The following CACNA2D3 variants were observed in gnomAD, a reference collection of about 807,000 sequenced individuals.
CACNA2D3 encodes voltage-dependent calcium channel subunit alpha-2/delta-3.
A neutral mutation model predicts 160.6 loss-of-function variants in CACNA2D3; 60 were observed. That is an observed-to-expected ratio of 0.37 (90% CI 0.30 to 0.46). The LOEUF is 0.46. CACNA2D3 is among the 20% of genes least tolerant of loss of function. The pLI is 1.00. For synonymous variants in CACNA2D3, 558 were observed against 492.9 expected, an observed-to-expected ratio of 1.13 and a Z score of -1.75; for missense variants, 1,205 against 1,365.0, an observed-to-expected ratio of 0.88 and a Z score of 1.85.
intron 13 of CACNA2D3, among the ~76,000 whole-genome samples, chr3:54,799,717 T>G (rs1239205499): frequency 6.6e-6 from 1 of 152,216 alleles, no homozygotes; most frequent in Non-Finnish European, 1.5e-5. Context: ...GGTGAGGTTT[T>G]CCTTGGAGGA....
At chr3:54,583,187 C>T in intron 9 of CACNA2D3, among the ~76,000 whole-genome samples, 1 of 152,132 alleles carries the variant, frequency 6.6e-6, no homozygotes, top group East Asian at 1.9e-4. Context: ...AATAGGTGTT[C>T]CATCCTGGTG....
chr3:54,593,066 G>A (rs764450295), intron 9 of CACNA2D3, among the ~76,000 whole-genome samples: 4 of 152,144 alleles, frequency 2.6e-5, no homozygotes, highest in Non-Finnish European at 5.9e-5. Context: ...CTAGGGAGAC[G>A]AAGTTTGCAG....
chr3:54,523,355 C>A (rs981580171), intron 5 of CACNA2D3, among the ~76,000 whole-genome samples: 1 of 151,826 alleles, frequency 6.6e-6, no homozygotes, highest in Admixed American at 6.6e-5. Context: ...TAATTGATTT[C>A]CAGATGTTAA....
chr3:54,471,316 A>G (rs969737377), intron 4 of CACNA2D3, among the ~76,000 whole-genome samples: 1 of 152,236 alleles, frequency 6.6e-6, no homozygotes, highest in Non-Finnish European at 1.5e-5. Flanking sequence ...GTAAATAACG[A>G]AATCAAGGCA....
chr3:54,892,071 C>T (rs1452724207), intron 25 of CACNA2D3, among the ~76,000 whole-genome samples: 1 of 152,138 alleles, frequency 6.6e-6, no homozygotes, highest in Non-Finnish European at 1.5e-5. Context: ...CAGAGAACCA[C>T]GGGCCCTTAA....
At chr3:54,183,101 G>T (rs1361831660) in intron 2 of CACNA2D3, among the ~76,000 whole-genome samples, 1 of 151,694 alleles carries the variant, frequency 6.6e-6, no homozygotes, top group Non-Finnish European at 1.5e-5. Context: ...TATTTTTCAT[G>T]TTGTGAAATG....
At chr3:54,340,805 C>T (rs1438995550) in intron 3 of CACNA2D3, among the ~76,000 whole-genome samples, 1 of 152,182 alleles carries the variant, frequency 6.6e-6, no homozygotes, top group African/African-American at 2.4e-5. Flanking sequence ...CCTTCTTGAT[C>T]CCCAGTCCAC....
intron 4 of CACNA2D3, among the ~76,000 whole-genome samples, chr3:54,390,644 G>T (rs1019035018): frequency 3.3e-5 from 5 of 152,184 alleles, no homozygotes; most frequent in Non-Finnish European, 5.9e-5. Context: ...GTGAAAGAGA[G>T]GCCTTTGATA....
intron 20 of CACNA2D3, 126 bp from the exon 21 acceptor site, chr3:54,880,670 G>T: frequency 2.3e-6 from 2 of 857,704 alleles, no homozygotes; most frequent in Non-Finnish European, 3.9e-6. Context: ...AAAGTAAACA[G>T]TTGGAAAAAT....
At chr3:55,021,193 G>A (rs2107162030) in intron 35 of CACNA2D3, among the ~76,000 whole-genome samples, 1 of 152,172 alleles carries the variant, frequency 6.6e-6, no homozygotes, top group East Asian at 1.9e-4. Context: ...TTTGTGGTTA[G>A]ATATTTCTGG....
chr3:54,885,010 T>C (rs879694557), intron 21 of CACNA2D3, among the ~76,000 whole-genome samples: 1 of 152,180 alleles, frequency 6.6e-6, no homozygotes, highest in African/African-American at 2.4e-5. Flanking sequence ...TTGTGTATCC[T>C]CTATCTTCAA....
At chr3:54,514,510 G>A (rs766485192) in intron 5 of CACNA2D3, among the ~76,000 whole-genome samples, 10 of 152,228 alleles carry the variant, frequency 6.6e-5, no homozygotes, top group African/African-American at 1.2e-4. Flanking sequence ...GTGAGGAGGT[G>A]TGGTGAGAGA....
intron 27 of CACNA2D3, among the ~76,000 whole-genome samples, chr3:54,936,064 C>G (rs558206666): frequency 6.6e-6 from 1 of 152,130 alleles, no homozygotes; most frequent in East Asian, 1.9e-4. Flanking sequence ...GAATGAGTTA[C>G]TTAACCTCTC....
At chr3:54,543,299 C>G (rs1420397245) in intron 5 of CACNA2D3, among the ~76,000 whole-genome samples, 1 of 152,184 alleles carries the variant, frequency 6.6e-6, no homozygotes. Context: ...AACAAAATGT[C>G]TTTCCATAGT....
At chr3:54,569,374 C>A (rs952745771) in intron 6 of CACNA2D3, among the ~76,000 whole-genome samples, 2 of 152,196 alleles carry the variant, frequency 1.3e-5, no homozygotes, top group Admixed American at 1.3e-4. Flanking sequence ...TTCAACCCCC[C>A]TCCTGTAGAC....
intron 2 of CACNA2D3, among the ~76,000 whole-genome samples, chr3:54,156,987 C>T (rs1019087916): frequency 5.3e-5 from 8 of 152,162 alleles, no homozygotes; most frequent in African/African-American, 1.7e-4. Flanking sequence ...TATTAGTCTG[C>T]TAGAACTGCT....
chr3:54,597,377 A>T (rs181189740), intron 9 of CACNA2D3, among the ~76,000 whole-genome samples: 1 of 151,732 alleles, frequency 6.6e-6, no homozygotes, highest in South Asian at 2.1e-4. Context: ...TATAACAGGC[A>T]TTTCTTTCTT....
intron 25 of CACNA2D3, among the ~76,000 whole-genome samples, chr3:54,894,012 G>C (rs1700128129): frequency 6.6e-6 from 1 of 152,120 alleles, no homozygotes; most frequent in Non-Finnish European, 1.5e-5. Context: ...ATGTAATTCT[G>C]ATACAACCCT....
At chr3:54,933,760 CTTTTT>C (rs34842038) in intron 27 of CACNA2D3, among the ~76,000 whole-genome samples, 1 of 141,168 alleles carries the variant, frequency 7.1e-6, no homozygotes, top group African/African-American at 2.6e-5. Flanking sequence ...ATTACTATTA[CTTTTT>C]TTTTTTTTTT....
Sources: gnomAD v4.1 joint callset for allele counts (sites outside exome capture counted in the v4.1 genomes callset) on GRCh38, gnomAD v4.1.1 for gene constraint, MANE v1.5 for transcripts, NCBI Gene and HGNC (gene_info 2026-07-23, HGNC 2026-07-21) for gene names.